TBC1D32: variants seen among roughly 807,000 people sequenced by gnomAD.
The protein encoded by TBC1D32 is TBC1 domain family member 32, also known as protein broad-minded.
In TBC1D32, 151 loss-of-function variants were observed where a neutral mutation model predicts 170.3. The observed-to-expected ratio is 0.89, with a 90% CI of 0.78 to 1.01. The LOEUF (loss-of-function observed/expected upper bound fraction) is 1.01, where lower values mean the gene tolerates loss of function less well. Ranked by LOEUF, TBC1D32 falls within the 50% of genes least tolerant of loss-of-function variation. TBC1D32 has a pLI of 0.00. For missense variants in TBC1D32, 1,464 were observed against 1,457.1 expected (o/e 1.00, Z -0.08); for synonymous variants, 498 against 488.0 (o/e 1.02, Z -0.27).
chr6:121,264,198 A>G (rs1800148283), intron 15 of TBC1D32, among the ~76,000 whole-genome samples: 1 of 152,276 alleles, frequency 6.6e-6, no homozygotes, highest in East Asian at 1.9e-4. Flanking sequence ...AATAAAGAAG[A>G]AAAGAGAGAA....
intron 24 of TBC1D32, among the ~76,000 whole-genome samples, chr6:121,136,767 CT>C (rs1782137569): frequency 1.3e-5 from 2 of 152,038 alleles, no homozygotes; most frequent in Non-Finnish European, 2.9e-5. Context: ...AAACTCCTTT[CT>C]TAAAACAGAT....
At chr6:121,208,076 G>A (rs1792514895) in intron 21 of TBC1D32, among the ~76,000 whole-genome samples, 1 of 150,666 alleles carries the variant, frequency 6.6e-6, no homozygotes, top group South Asian at 2.1e-4. Flanking sequence ...TGGGGTTTTA[G>A]AGAGTTAAAT....
chr6:121,120,010 A>G (rs975360868), intron 26 of TBC1D32, among the ~76,000 whole-genome samples: 1 of 152,134 alleles, frequency 6.6e-6, no homozygotes, highest in African/African-American at 2.4e-5. Flanking sequence ...AAATACAGTG[A>G]AATTCTATAA....
chr6:121,158,179 G>A (rs1785155235), intron 24 of TBC1D32, among the ~76,000 whole-genome samples: 1 of 152,100 alleles, frequency 6.6e-6, no homozygotes, highest in African/African-American at 2.4e-5. Context: ...TTTCTTGGAA[G>A]TTTTGTCACT....
intron 27 of TBC1D32, 75 bp downstream of exon 27, chr6:121,115,097 A>C: frequency 9.3e-7 from 1 of 1,073,562 alleles, no homozygotes. Flanking sequence ...GTTAAATTAA[A>C]TACTACTGAG....
intron 21 of TBC1D32, among the ~76,000 whole-genome samples, chr6:121,205,739 T>C (rs1562900703): frequency 2.6e-5 from 4 of 152,070 alleles, no homozygotes; most frequent in Non-Finnish European, 5.9e-5. Flanking sequence ...TAAATCACTA[T>C]GTCTAGGGGT....
intron 24 of TBC1D32, among the ~76,000 whole-genome samples, chr6:121,145,715 A>G (rs1348940641): frequency 1.3e-5 from 2 of 152,198 alleles, no homozygotes; most frequent in Non-Finnish European, 2.9e-5. Context: ...CATGATAAAT[A>G]TATAGAATGC....
chr6:121,126,390 C>A lies in TBC1D32; in HGVS notation c.2971G>T (p.Val991Leu). 1 of 1,611,990 alleles carries A rather than the reference C, an allele frequency of 6.2e-7. No homozygotes were observed. The highest frequency in any genetic ancestry group is 1.3e-5 in the African/African-American group (1 of 74,962). Residue 991 changes from valine (V) to leucine (L), a missense_variant, in exon 26 of 32, where the codon GTG (valine) becomes TTG (leucine). By Grantham distance (32) the Val-to-Leu change is conservative (BLOSUM62 1). Transcript: ENST00000398212. The part of the protein sequence containing the change: ...ESPSECYFPS[V>L]EYTATDANVK... Reference sequence around the variant, plus strand: ...GTTTAAAATGTACCTGTATACTCCACTGAAGGGAAGTAGCATTCAGATGGG... The same window carrying A: ...GTTTAAAATGTACCTGTATACTCCAATGAAGGGAAGTAGCATTCAGATGGG...
intron 22 of TBC1D32, among the ~76,000 whole-genome samples, chr6:121,182,088 G>A (rs1370952303): frequency 1.3e-5 from 2 of 152,006 alleles, no homozygotes; most frequent in Non-Finnish European, 2.9e-5. Flanking sequence ...AGCAATATAT[G>A]ACTAGGTAGT....
chr6:121,324,171 G>A (rs1371118887), intron 1 of TBC1D32, among the ~76,000 whole-genome samples: 1 of 152,076 alleles, frequency 6.6e-6, no homozygotes, highest in African/African-American at 2.4e-5. Flanking sequence ...AATATCAGAA[G>A]TGTTATAAGA....
At chr6:121,214,423 G>T (rs2128316870) in intron 21 of TBC1D32, among the ~76,000 whole-genome samples, 1 of 152,280 alleles carries the variant, frequency 6.6e-6, no homozygotes, top group African/African-American at 2.4e-5. Flanking sequence ...AGTGGTGAGG[G>T]TTATGTGTGT....
chr6:121,086,924 A>G (rs1776323706), intron 31 of TBC1D32, among the ~76,000 whole-genome samples: 1 of 152,136 alleles, frequency 6.6e-6, no homozygotes, highest in South Asian at 2.1e-4. Flanking sequence ...ATTACAGAAT[A>G]TTTACTTTGT....
chr6:121,213,519 TAAAATAAATAAAATAAAATAAAATA>T (rs1205206554), intron 21 of TBC1D32, among the ~76,000 whole-genome samples: 76 of 4,802 alleles, frequency 0.016, no homozygotes, highest in African/African-American at 0.027. Context: ...TAAAATAAAA[TAAAATAAATAAAATAAAATAAAATA>T]AAATAAAATA....
chr6:121,281,423 A>C, intron 14 of TBC1D32, 121 bp downstream of exon 14: 1 of 668,624 alleles, frequency 1.5e-6, no homozygotes, highest in Admixed American at 3.1e-5. Context: ...TCAACACAAA[A>C]TACATTCATA....
At chr6:121,124,419 T>C (rs1429733263) in intron 26 of TBC1D32, among the ~76,000 whole-genome samples, 2 of 152,114 alleles carry the variant, frequency 1.3e-5, no homozygotes, top group Admixed American at 6.6e-5. Context: ...CTCCCTAATA[T>C]ATTATTTGCT....
chr6:121,309,993 C>T (rs1001961431), intron 4 of TBC1D32, among the ~76,000 whole-genome samples: 6 of 151,942 alleles, frequency 3.9e-5, no homozygotes, highest in African/African-American at 1.5e-4. Flanking sequence ...CATGATTGCG[C>T]CACTGTGCTT....
intron 1 of TBC1D32, among the ~76,000 whole-genome samples, chr6:121,329,190 T>A (rs1810870571): frequency 6.6e-6 from 1 of 151,972 alleles, no homozygotes. Context: ...CCAGATTTCT[T>A]ACCTATATTT....
At chr6:121,286,798 G>T (rs1319995829) in intron 12 of TBC1D32, among the ~76,000 whole-genome samples, 1 of 152,224 alleles carries the variant, frequency 6.6e-6, no homozygotes, top group Non-Finnish European at 1.5e-5. Context: ...ACTAACAGTT[G>T]ATCTCTCAGC....
chr6:121,223,831 A>C (rs1042018375), intron 20 of TBC1D32, among the ~76,000 whole-genome samples: 2 of 104,568 alleles, frequency 1.9e-5, no homozygotes, highest in African/African-American at 5.2e-5. Context: ...TAATTTTTAA[A>C]AGCCATGCCT....
Sources: gnomAD v4.1 joint callset for allele counts (sites outside exome capture counted in the v4.1 genomes callset) on GRCh38, gnomAD v4.1.1 for gene constraint, MANE v1.5 for transcripts, NCBI Gene and HGNC (gene_info 2026-07-23, HGNC 2026-07-21) for gene names.